The following CNTN6 variants were observed in gnomAD, a reference collection of about 807,000 sequenced individuals.
CNTN6 encodes the protein contactin 6.
CNTN6 carries 137 observed loss-of-function variants against 122.8 expected under a neutral mutation model. The observed-to-expected ratio is 1.12, with a 90% CI of 0.97 to 1.29. The LOEUF is 1.29. Ranked by LOEUF, CNTN6 falls within the 50% of genes most tolerant of loss-of-function variation. The probability of loss-of-function intolerance (pLI) is 0.00; values close to 1 mark genes in which losing one functional copy is unlikely to be tolerated. For missense variants in CNTN6, 1,634 were observed against 1,223.4 expected, an observed-to-expected ratio of 1.34 and a Z score of -5.01; for synonymous variants, 570 against 426.0, an observed-to-expected ratio of 1.34 and a Z score of -4.16.
intron 2 of CNTN6, among the ~76,000 whole-genome samples, chr3:1,169,549 A>G (rs373031540): frequency 1.1e-4 from 17 of 152,242 alleles, no homozygotes; most frequent in African/African-American, 4.1e-4. Flanking sequence ...GAAAAATAAT[A>G]TAAAGAGGCT....
chr3:1,394,651 T>C (rs1694759076), intron 20 of CNTN6, among the ~76,000 whole-genome samples: 1 of 152,210 alleles, frequency 6.6e-6, no homozygotes, highest in Non-Finnish European at 1.5e-5. Context: ...AGTTTCATTG[T>C]CCATGAAACC....
intron 1 of CNTN6, among the ~76,000 whole-genome samples, chr3:1,140,245 C>T (rs925181926): frequency 2.0e-5 from 3 of 152,140 alleles, no homozygotes; most frequent in African/African-American, 7.2e-5. Flanking sequence ...ATACAAAGAG[C>T]ATTTCTATAA....
intron 6 of CNTN6, among the ~76,000 whole-genome samples, chr3:1,296,823 A>T (rs1449917383): frequency 6.6e-6 from 1 of 152,116 alleles, no homozygotes; most frequent in Non-Finnish European, 1.5e-5. Flanking sequence ...ATGAGCCAAC[A>T]ATATACTTGG....
At chr3:1,142,968 GTATATATATA>G (rs3043051) in intron 1 of CNTN6, among the ~76,000 whole-genome samples, 2,656 of 128,630 alleles carry the variant, frequency 0.021, 38 homozygotes, top group African/African-American at 0.028. Flanking sequence ...GTGTGTGTGT[GTATATATATA>G]TATATATATA....
chr3:1,282,988 T>A (rs1693730788), intron 5 of CNTN6, among the ~76,000 whole-genome samples: 1 of 152,144 alleles, frequency 6.6e-6, no homozygotes, highest in Non-Finnish European at 1.5e-5. Flanking sequence ...ACTCTTTTTT[T>A]TTGAGAGGGA....
chr3:1,384,608 A>T (rs1286776963), intron 19 of CNTN6, among the ~76,000 whole-genome samples: 3 of 151,228 alleles, frequency 2.0e-5, no homozygotes, highest in Non-Finnish European at 4.4e-5. Context: ...TGGGTAACAT[A>T]ATTTATTTAA....
At chr3:1,244,367 GGGTT>G (rs2094529174) in intron 4 of CNTN6, among the ~76,000 whole-genome samples, 11 of 151,046 alleles carry the variant, frequency 7.3e-5, no homozygotes, top group Admixed American at 2.6e-4. Flanking sequence ...GAAGGAGAAG[GGGTT>G]GAGGGGTACT....
At chr3:1,342,376 C>T (rs1040590581) in intron 11 of CNTN6, among the ~76,000 whole-genome samples, 3 of 152,278 alleles carry the variant, frequency 2.0e-5, no homozygotes, top group South Asian at 2.1e-4. Context: ...TATCTGCCCA[C>T]CTCAGCCTCC....
At chr3:1,228,646 AT>A in intron 4 of CNTN6, among the ~76,000 whole-genome samples, 1 of 152,312 alleles carries the variant, frequency 6.6e-6, no homozygotes, top group South Asian at 2.1e-4. Flanking sequence ...CTTGAGAGTA[AT>A]TATATCTGTT....
At chr3:1,112,144 C>A (rs549621185) in intron 1 of CNTN6, among the ~76,000 whole-genome samples, 1 of 152,128 alleles carries the variant, frequency 6.6e-6, no homozygotes, top group Non-Finnish European at 1.5e-5. Context: ...GTTCATCAAA[C>A]CTCATTAACC....
intron 4 of CNTN6, among the ~76,000 whole-genome samples, chr3:1,263,362 C>T (rs1484480596): frequency 6.6e-6 from 1 of 152,116 alleles, no homozygotes; most frequent in Non-Finnish European, 1.5e-5. Flanking sequence ...TTCTGTCTCC[C>T]CTGGGCCCCA....
intron 12 of CNTN6, among the ~76,000 whole-genome samples, chr3:1,368,190 G>T (rs1398878256): frequency 6.6e-6 from 1 of 152,100 alleles, no homozygotes; most frequent in Non-Finnish European, 1.5e-5. Context: ...TACAAAAATG[G>T]AATGGTAAAA....
At chr3:1,368,572 G>A (rs984891729) in intron 12 of CNTN6, among the ~76,000 whole-genome samples, 4 of 152,092 alleles carry the variant, frequency 2.6e-5, no homozygotes, top group African/African-American at 9.7e-5. Context: ...TTTGCCAGGA[G>A]TGACTGATGT....
At chr3:1,342,849 G>C (rs1216541793) in intron 11 of CNTN6, among the ~76,000 whole-genome samples, 1 of 152,100 alleles carries the variant, frequency 6.6e-6, no homozygotes, top group African/African-American at 2.4e-5. Flanking sequence ...CTAGTGATTT[G>C]AATGTAGAGT....
chr3:1,155,398 C>T (rs967448729), intron 2 of CNTN6, among the ~76,000 whole-genome samples: 8 of 152,150 alleles, frequency 5.3e-5, no homozygotes, highest in Non-Finnish European at 1.0e-4. Context: ...TTCCCAAACA[C>T]CTTTAGCAAT....
intron 19 of CNTN6, among the ~76,000 whole-genome samples, chr3:1,384,958 T>C (rs973019852): frequency 6.6e-6 from 1 of 151,702 alleles, no homozygotes; most frequent in Admixed American, 6.6e-5. Flanking sequence ...CCTAGTCGCC[T>C]CTTCTCTCTG....
At chr3:1,181,290 A>G (rs1449574436) in intron 2 of CNTN6, among the ~76,000 whole-genome samples, 1 of 152,066 alleles carries the variant, frequency 6.6e-6, no homozygotes, top group African/African-American at 2.4e-5. Context: ...CAACTCACTT[A>G]CTCACATCCC....
intron 12 of CNTN6, among the ~76,000 whole-genome samples, chr3:1,369,750 A>G (rs1371184892): frequency 1.3e-5 from 2 of 152,078 alleles, no homozygotes; most frequent in African/African-American, 4.8e-5. Flanking sequence ...CCTCCTATAA[A>G]TGTAAATAAG....
intron 20 of CNTN6, among the ~76,000 whole-genome samples, chr3:1,388,081 G>A (rs904345454): frequency 1.3e-5 from 2 of 152,104 alleles, no homozygotes; most frequent in East Asian, 1.9e-4. Flanking sequence ...AGGCCTGCCT[G>A]CAACTGTAGG....
Sources: allele counts gnomAD v4.1 joint callset (sites outside exome capture counted in the v4.1 genomes callset), GRCh38; gene constraint gnomAD v4.1.1; transcripts MANE v1.5; gene names NCBI Gene and HGNC (gene_info 2026-07-23, HGNC 2026-07-21).